The following PDE4D variants were observed in gnomAD, a reference collection of about 807,000 sequenced individuals.
The protein encoded by PDE4D is 3',5'-cyclic-AMP phosphodiesterase 4D.
A neutral mutation model predicts 87.4 loss-of-function variants in PDE4D; 24 were observed. The ratio of observed to expected loss-of-function variants is 0.27; its 90% CI spans 0.20 to 0.39. The LOEUF is 0.39. PDE4D is among the 10% of genes least tolerant of loss of function. The pLI is 1.00. For synonymous variants in PDE4D, 384 were observed against 383.2 expected, an observed-to-expected ratio of 1.00 and a Z score of -0.02; for missense variants, 714 against 1,041.0, an observed-to-expected ratio of 0.69 and a Z score of 4.32.
At chr5:60,203,217 C>T (rs866000854) in intron 1 of PDE4D, among the ~76,000 whole-genome samples, 20 of 152,126 alleles carry the variant, frequency 1.3e-4, no homozygotes, top group African/African-American at 4.8e-4. Context: ...GTGATCTACC[C>T]GCCTCCACCT....
intron 1 of PDE4D, among the ~76,000 whole-genome samples, chr5:60,228,763 G>T (rs1057152111): frequency 6.6e-6 from 1 of 152,050 alleles, no homozygotes; most frequent in African/African-American, 2.4e-5. Context: ...CACATGGAAT[G>T]ACTATGTGAA....
intron 2 of PDE4D, among the ~76,000 whole-genome samples, chr5:60,152,299 T>C (rs1364296890): frequency 2.0e-5 from 3 of 152,156 alleles, no homozygotes; most frequent in Admixed American, 6.5e-5. Context: ...CTCTTCTTCA[T>C]TTTTTGGGAA....
At chr5:60,157,692 T>C (rs1215986149) in intron 2 of PDE4D, among the ~76,000 whole-genome samples, 2 of 152,180 alleles carry the variant, frequency 1.3e-5, no homozygotes, top group South Asian at 2.1e-4. Context: ...AACTAACTTC[T>C]TAAACTTCCT....
At chr5:59,268,967 C>G (rs1763316395) in intron 1 of PDE4D, among the ~76,000 whole-genome samples, 1 of 152,010 alleles carries the variant, frequency 6.6e-6, no homozygotes, top group African/African-American at 2.4e-5. Flanking sequence ...ATCATCCCTT[C>G]TGATTCAATA....
At chr5:59,203,086 G>A (rs905400501) in intron 2 of PDE4D, among the ~76,000 whole-genome samples, 4 of 152,118 alleles carry the variant, frequency 2.6e-5, no homozygotes, top group Admixed American at 6.5e-5. Flanking sequence ...GCTTACACCT[G>A]TAATCCCAGC....
At chr5:59,067,592 AC>A (rs1764135729) in intron 5 of PDE4D, among the ~76,000 whole-genome samples, 1 of 152,176 alleles carries the variant, frequency 6.6e-6, no homozygotes, top group South Asian at 2.1e-4. Flanking sequence ...AATAAACCAA[AC>A]AGATCGGATT....
intron 1 of PDE4D, among the ~76,000 whole-genome samples, chr5:59,678,928 A>C (rs778580239): frequency 8.5e-5 from 13 of 152,216 alleles, no homozygotes; most frequent in Non-Finnish European, 1.5e-4. Flanking sequence ...AACTGTACAA[A>C]ATTTACAATC....
At chr5:60,097,108 C>T (rs988272256) in intron 2 of PDE4D, among the ~76,000 whole-genome samples, 8 of 151,880 alleles carry the variant, frequency 5.3e-5, no homozygotes, top group African/African-American at 1.9e-4. Context: ...TGAATATGAT[C>T]TAGTCATACT....
chr5:59,932,164 C>T (rs1756038208), intron 3 of PDE4D, among the ~76,000 whole-genome samples: 1 of 152,156 alleles, frequency 6.6e-6, no homozygotes, highest in Non-Finnish European at 1.5e-5. Context: ...GCATAGCCAT[C>T]ACGACTTTTA....
intron 1 of PDE4D, among the ~76,000 whole-genome samples, chr5:60,346,295 T>C (rs1758742088): frequency 6.6e-6 from 1 of 152,180 alleles, no homozygotes; most frequent in Admixed American, 6.5e-5. Context: ...CCAGAGCATG[T>C]CAGATGTGGG....
intron 6 of PDE4D, chr5:58,999,896 A>C: frequency 1.0e-6 from 1 of 986,416 alleles, no homozygotes; most frequent in Non-Finnish European, 1.2e-6. Flanking sequence ...AGTTGCAAGA[A>C]AGGCTAGTCC....
chr5:59,635,539 C>A (rs1561373588), intron 1 of PDE4D, among the ~76,000 whole-genome samples: 1 of 152,194 alleles, frequency 6.6e-6, no homozygotes, highest in Admixed American at 6.6e-5. Context: ...AGCTTATCCA[C>A]CACGATCAAG....
At chr5:59,688,107 C>T (rs934655069) in intron 1 of PDE4D, among the ~76,000 whole-genome samples, 1 of 152,128 alleles carries the variant, frequency 6.6e-6, no homozygotes, top group African/African-American at 2.4e-5. Flanking sequence ...TAGACTCCCA[C>T]ACAATAATAA....
chr5:59,952,549 T>G (rs1758410748), intron 3 of PDE4D, among the ~76,000 whole-genome samples: 1 of 152,170 alleles, frequency 6.6e-6, no homozygotes, highest in African/African-American at 2.4e-5. Context: ...AATCTATGAG[T>G]TGGATTTACG....
chr5:59,141,727 C>G, intron 5 of PDE4D, among the ~76,000 whole-genome samples: 1 of 152,134 alleles, frequency 6.6e-6, no homozygotes, highest in South Asian at 2.1e-4. Flanking sequence ...GTGAAAGGGA[C>G]GATGTTGTGG....
intron 3 of PDE4D, among the ~76,000 whole-genome samples, chr5:59,956,936 C>T (rs1440149974): frequency 6.6e-6 from 1 of 152,006 alleles, no homozygotes; most frequent in South Asian, 2.1e-4. Flanking sequence ...GTTCTAAATT[C>T]TTATTCTGAA....
In PDE4D at chr5:59,835,422, T is replaced by A. The variant is rs73092838; in HGVS notation, c.455+57746A>T. On this transcript the variant is annotated intron_variant, in intron 1 of 14. Transcript: ENST00000340635. ...AATACATGACAGCCCTGATGACAGT[T>A]ACCTTGCTGGGCTGTTACCATCATG... Among the ~76,000 whole-genome samples the A allele has an allele frequency of 5.1e-3, 783 of 152,110 alleles. 4 individuals are homozygous for A. The highest frequency in any genetic ancestry group is 0.018 in the African/African-American group (756 of 41,546).
chr5:59,508,562 TA>T (rs909570351), intron 1 of PDE4D, among the ~76,000 whole-genome samples: 6 of 150,554 alleles, frequency 4.0e-5, no homozygotes, highest in African/African-American at 9.8e-5. Flanking sequence ...AGAAAATGCA[TA>T]AAAAAAATAA....
intron 1 of PDE4D, among the ~76,000 whole-genome samples, chr5:59,612,859 T>C (rs765867008): frequency 6.6e-6 from 1 of 151,996 alleles, no homozygotes; most frequent in Non-Finnish European, 1.5e-5. Context: ...GTTGTGGGAA[T>C]GGAAGGAGAC....
Sources: allele counts gnomAD v4.1 joint callset (sites outside exome capture counted in the v4.1 genomes callset), GRCh38; gene constraint gnomAD v4.1.1; transcripts MANE v1.5; gene names NCBI Gene and HGNC (gene_info 2026-07-23, HGNC 2026-07-21).